CYB561: variants seen among roughly 807,000 people sequenced by gnomAD.
CYB561 encodes transmembrane ascorbate-dependent reductase CYB561.
A neutral mutation model predicts 25.3 loss-of-function variants in CYB561; 11 were observed. That is an observed-to-expected ratio of 0.44 (90% CI 0.27 to 0.72). The LOEUF is 0.72. Among genes scored for constraint, CYB561 ranks in the 30% least tolerant of loss-of-function variants. CYB561 has a pLI of 0.18. For synonymous variants in CYB561, 165 were observed against 158.8 expected (o/e 1.04, Z -0.29); for missense variants, 295 against 334.9 (o/e 0.88, Z 0.93).
rs778614516 is a variant in CYB561, at chr17:63,437,520, G to A, written c.28C>T (p.Pro10Ser). The A allele has an allele frequency of 6.2e-7, 1 of 1,612,512 alleles. No individual in the cohort carries two copies. Among genetic ancestry groups the A allele is most frequent in the Admixed American group, 1.7e-5 (1 of 60,000 alleles). The change falls in exon 2 of 6, where the codon CCC (proline) becomes TCC (serine). Residue 10 changes from proline to serine, a missense_variant. Transcript: ENST00000360793. ...GCCACGTAGTAAGGCAGTGCTGTGG[G>A]GGTGGCTGCCGCGGCCCCGCCCTCC... MEGGAAAAT[P>S]TALPYYVAFS...
chr17:63,436,659 G>T lies in CYB561; in HGVS notation c.203-507C>A. ...GCTCCTCACACAGGCCCCCACCTAA[G>T]CCTGGGCAGATGGTCCTACTCCTAG... is the stretch of plus-strand genomic sequence containing the variant. On this transcript the variant is annotated intron_variant, in intron 2 of 5. Transcript: ENST00000360793. This position sits in a 1 kb window ranked among gnomAD's most constrained non-coding sequence, Gnocchi z 4.8. 1 of 164,506 alleles carries T rather than the reference G, an allele frequency of 6.1e-6. No individual in the cohort carries two copies. Among genetic ancestry groups the T allele is most frequent in the South Asian group, 1.6e-4 (1 of 6,444 alleles). The allele number at this position is 164,506 out of a possible 1,614,324, so 10.2% of individuals were successfully genotyped here.
intron 4 of CYB561, 26 bp from the exon 5 acceptor site, chr17:63,435,269 G>C (rs199661718): frequency 6.2e-7 from 1 of 1,607,576 alleles, no homozygotes; most frequent in Non-Finnish European, 8.5e-7. Flanking sequence ...AGACGGTTCC[G>C]GGACAGGGCG....
chr17:63,435,956 A>C, intron 3 of CYB561, 98 bp downstream of exon 3: 2 of 1,603,312 alleles, frequency 1.2e-6, no homozygotes, highest in Non-Finnish European at 1.7e-6. Context: ...GGGCGGGCCC[A>C]TCACAGCTCT....
At position 63,439,967 on chromosome 17, in the gene CYB561, T is replaced by G. The variant is rs2049358217; in HGVS notation, c.-13-2407A>C. 2.0e-5 allele frequency among the ~76,000 whole-genome samples: 3 copies of G among 152,184 alleles called. No individual in the cohort carries two copies. In the South Asian group the frequency reaches 6.2e-4, roughly 32 times the overall value. ...TCCTGAAACAAGGGCTAGGTTCTGT[T>G]TTAGACTTCTGACACATTCCATCAA... is the stretch of plus-strand genomic sequence containing the variant. On this transcript the variant is annotated intron_variant, in intron 1 of 5. Transcript: ENST00000360793.
At position 63,435,082 on chromosome 17, in the gene CYB561, T is replaced by A; in HGVS notation, c.563+4A>T. On this transcript the variant is annotated splice_donor_region_variant and intron_variant, in intron 5 of 5. Coordinates refer to ENST00000360793, the MANE Select transcript of CYB561 (RefSeq NM_001915.4). ...CCCTGCCCTCTCCCACCCAGGACAC[T>A]CACCCGAGGTTGAACAGCAGTGCCT... 6.2e-7 allele frequency: 1 copy of A among 1,612,182 alleles called. No individual in the cohort carries two copies. Among genetic ancestry groups the A allele is most frequent in the Non-Finnish European group, 8.5e-7 (1 of 1,179,062 alleles).
Position 63,436,175 on chromosome 17 carries a change from C to A in CYB561, c.203-23G>T. ...GGGCTGTGGGAGGTGAGAGAGGGAA[C>A]GTGAGTGCATCCGCCTGTGCGTGAG... On this transcript the variant is annotated intron_variant, in intron 2 of 5. Coordinates refer to ENST00000360793, the MANE Select transcript of CYB561 (RefSeq NM_001915.4). This position sits in a 1 kb window ranked among gnomAD's most constrained non-coding sequence, Gnocchi z 4.8. The A allele has an allele frequency of 6.2e-7, 1 of 1,610,506 alleles. No individual in the cohort carries two copies. Among genetic ancestry groups the A allele is most frequent in the Non-Finnish European group, 8.5e-7 (1 of 1,177,176 alleles).
chr17:63,434,551 C>G lies in CYB561; in HGVS notation c.607G>C (p.Val203Leu), dbSNP rs969085741. ...AAGCAGGCCAGCAGCAGGCCCAGCA[C>G]GTTGGCCAGGACACCCTCGGGCTCA... ...AFEPEGVLAN[V>L]LGLLLACFGG... is the part of the protein sequence containing the mutation. Residue 203 changes from valine (V) to leucine (L), a missense_variant, in exon 6 of 6, where the codon GTG (valine) becomes CTG (leucine). Physicochemically the swap from Val to Leu is conservative, Grantham distance 32. Coordinates refer to ENST00000360793, the MANE Select transcript of CYB561 (RefSeq NM_001915.4). The G allele has an allele frequency of 3.7e-6, 6 of 1,612,810 alleles. No homozygotes were observed. Among genetic ancestry groups the G allele is most frequent in the South Asian group, 2.2e-5 (2 of 91,060 alleles).
Position 63,433,452 on chromosome 17 carries a change from C to T in CYB561, c.*950G>A. The T allele has an allele frequency of 2.5e-6, 1 of 398,914 alleles. No homozygotes were observed. Among genetic ancestry groups the T allele is most frequent in the Non-Finnish European group, 4.4e-6 (1 of 226,324 alleles). The allele number at this position is 398,914 out of a possible 1,614,324, so 24.7% of individuals were successfully genotyped here. On this transcript the variant is annotated 3_prime_UTR_variant, in exon 6 of 6. Transcript: ENST00000360793. The stretch of plus-strand genomic sequence containing the variant: ...GGCAGCAGATAAGGAGAAGGCTCGT[C>T]CTCCAGAACAGAGGCAGCAGCTCCA...
chr17:63,435,202 T>G lies in CYB561; in HGVS notation c.447A>C (p.Ser149=), dbSNP rs564732765. Residue 149 remains serine, a synonymous_variant, in exon 5 of 6, where the codon TCA becomes TCC. Transcript: ENST00000360793. ...GGCGGTAGCGGCTCCGCAGGGAGAA[T>G]GAAGCTCCGGGGAACAGGAAGAAGC... ...GFSFFLFPGA[S]FSLRSRYRPQ... 1 of 1,614,006 alleles carries G rather than the reference T, an allele frequency of 6.2e-7. No homozygotes were observed. Among genetic ancestry groups the G allele is most frequent in the African/African-American group, 1.3e-5 (1 of 75,050 alleles).
chr17:63,435,329 A>G (rs2049284783), intron 4 of CYB561, 86 bp from the exon 5 acceptor site: 10 of 1,459,328 alleles, frequency 6.9e-6, no homozygotes, highest in Non-Finnish European at 9.4e-6. Context: ...CCACGTGCCC[A>G]CGTGGCGACT....
rs574403178 is a variant in CYB561 at position 63,434,170 on chromosome 17, G to T, written c.*232C>A. On this transcript the variant is annotated 3_prime_UTR_variant, in exon 6 of 6. Coordinates refer to ENST00000360793, the MANE Select transcript of CYB561 (RefSeq NM_001915.4). Reference sequence around the variant, plus strand: ...CTACCCAAAGCCTTCTGCACTGAAGGGGGCAACAGAGACACGGGAGCCACA... The same window carrying T: ...CTACCCAAAGCCTTCTGCACTGAAGTGGGCAACAGAGACACGGGAGCCACA... 8.6e-4 allele frequency: 439 copies of T among 510,912 alleles called. No individual in the cohort carries two copies. The highest frequency in any genetic ancestry group is 1.6e-3 in the Admixed American group (49 of 31,082). 31.6% of individuals were successfully genotyped at this position (510,912 alleles called of 1,614,324 possible).
chr17:63,444,401 T>C (rs1268633761), intron 1 of CYB561, among the ~76,000 whole-genome samples: 1 of 152,192 alleles, frequency 6.6e-6, no homozygotes, highest in Non-Finnish European at 1.5e-5. Flanking sequence ...GGAGCTACCT[T>C]ATTGAACACA....
Position 63,434,455 on chromosome 17 carries a change from G to A in CYB561, c.703C>T (p.Leu235Phe), listed in dbSNP as rs774790557. 2 of 1,602,586 alleles carry A rather than the reference G, an allele frequency of 1.2e-6. No homozygotes were observed. The highest frequency in any genetic ancestry group is 2.3e-5 in the East Asian group (1 of 44,224). The change falls in exon 6 of 6, where the codon CTC becomes TTC. Residue 235 changes from leucine (L) to phenylalanine (F), a missense_variant. Transcript: ENST00000360793. ...KRPSQAEEQA[L>F]SMDFKTLTEG... is the part of the protein sequence containing the mutation. ...GTCAGCGTCTTGAAGTCCATGGAGA[G>A]GGCCTGCTCTTCCGCCTGGGAAGGC...
intron 4 of CYB561, 178 bp from the exon 5 acceptor site, chr17:63,435,421 C>G (rs542838239): frequency 1.4e-6 from 1 of 709,248 alleles, no homozygotes; most frequent in South Asian, 1.9e-5. Flanking sequence ...GACAAGGGAC[C>G]GGTCCCCCAA....
intron 1 of CYB561, chr17:63,438,072 G>A (rs1311622526): frequency 3.9e-6 from 6 of 1,520,990 alleles, no homozygotes; most frequent in Admixed American, 2.0e-5. Flanking sequence ...CTCAAGTCTC[G>A]GGAGTGGCTG....
rs770407695 is a variant in CYB561 at position 63,435,681 on chromosome 17, G to C, written c.405+7C>G. The C allele has an allele frequency of 5.6e-6, 9 of 1,612,880 alleles. No individual in the cohort carries two copies. Among genetic ancestry groups the C allele is most frequent in the Non-Finnish European group, 7.6e-6 (9 of 1,178,818 alleles). ...GGCCCCAGGCCCGGGGTGTTGGAAGGACTCACCTGCACAAAGTACAGGACA... is the reference window on the plus strand; with the variant it reads ...GGCCCCAGGCCCGGGGTGTTGGAAGCACTCACCTGCACAAAGTACAGGACA... On this transcript the variant is annotated splice_region_variant and intron_variant, in intron 4 of 5. Transcript: ENST00000360793.
At position 63,433,881 on chromosome 17, in the gene CYB561, C is replaced by T; in HGVS notation, c.*521G>A. ...CAGTCCCTCCCCTCTCCTGGGGAAC[C>T]TTGCTTTCACCACCAACATACTTTA... On this transcript the variant is annotated 3_prime_UTR_variant, in exon 6 of 6. Coordinates refer to ENST00000360793, the MANE Select transcript of CYB561 (RefSeq NM_001915.4). The T allele has an allele frequency of 5.9e-6, 1 of 170,010 alleles. No individual in the cohort carries two copies. The highest frequency in any genetic ancestry group is 1.2e-5 in the Non-Finnish European group (1 of 80,742). 10.5% of individuals were successfully genotyped at this position (170,010 alleles called of 1,614,324 possible).
chr17:63,437,969 G>GGGGGC, intron 1 of CYB561: 2 of 676,964 alleles, frequency 3.0e-6, no homozygotes, highest in Non-Finnish European at 4.6e-6. Context: ...CTCCCACGGC[G>GGGGGC]GCCCCGCCAC....
chr17:63,435,029 G>A, intron 5 of CYB561, 57 bp downstream of exon 5: 1 of 1,538,044 alleles, frequency 6.5e-7, no homozygotes. Flanking sequence ...CTGAAGGCAG[G>A]GTGAGGTCTG....
Sources: gnomAD v4.1 joint callset for allele counts (sites outside exome capture counted in the v4.1 genomes callset) on GRCh38, gnomAD v4.1.1 for gene constraint, Gnocchi (gnomAD v3.1) non-coding constraint, MANE v1.5 for transcripts, NCBI Gene and HGNC (gene_info 2026-07-23, HGNC 2026-07-21) for gene names.